The following SPAG16 variants were observed in gnomAD, a reference collection of about 807,000 sequenced individuals.
SPAG16 encodes sperm associated antigen 16, also known as sperm-associated antigen 16 protein.
In SPAG16, 86 loss-of-function variants were observed where a neutral mutation model predicts 80.4. The ratio of observed to expected loss-of-function variants is 1.07; its 90% confidence interval spans 0.90 to 1.28. The LOEUF (loss-of-function observed/expected upper bound fraction) is 1.28, where lower values mean the gene tolerates loss of function less well. Ranked by LOEUF, SPAG16 falls within the 50% of genes most tolerant of loss-of-function variation. The pLI, the probability that SPAG16 is intolerant of heterozygous loss-of-function variation, is 0.00. For synonymous variants in SPAG16, 294 were observed against 265.9 expected, an observed-to-expected ratio of 1.11 and a Z score of -1.03; for missense variants, 870 against 765.3, an observed-to-expected ratio of 1.14 and a Z score of -1.61.
chr2:214,359,934 G>C (rs1699075768), intron 15 of SPAG16, among the ~76,000 whole-genome samples: 1 of 151,884 alleles, frequency 6.6e-6, no homozygotes, highest in African/African-American at 2.4e-5. Flanking sequence ...TGAGAGAGAA[G>C]ATTTAGTCTA....
Position 213,495,592 on chromosome 2 carries a change from A to C in SPAG16, c.1070+5502A>C, listed in dbSNP as rs139527943. On this transcript the variant is annotated intron_variant, in intron 10 of 15. Coordinates refer to ENST00000331683, the MANE Select transcript of SPAG16 (RefSeq NM_024532.5). The stretch of plus-strand genomic sequence containing the variant: ...GGGAGATTACATTGATTGAAGGAAG[A>C]GGTAATAAGCCAATAGTGAACACAT... 1.4e-3 allele frequency among the ~76,000 whole-genome samples: 210 copies of C among 152,356 alleles called. 2 individuals are homozygous for C. The highest frequency in any genetic ancestry group is 4.6e-3 in the African/African-American group (190 of 41,578).
At chr2:214,226,218 A>G (rs1254475724) in intron 15 of SPAG16, among the ~76,000 whole-genome samples, 1 of 152,050 alleles carries the variant, frequency 6.6e-6, no homozygotes, top group African/African-American at 2.4e-5. Flanking sequence ...TAGCCCGTCT[A>G]GGATAGTCTT....
chr2:213,303,495 T>G (rs1377481471), intron 3 of SPAG16, among the ~76,000 whole-genome samples: 3 of 152,034 alleles, frequency 2.0e-5, no homozygotes, highest in African/African-American at 7.2e-5. Flanking sequence ...ATCTTACTCA[T>G]TCTGACTATA....
intron 10 of SPAG16, among the ~76,000 whole-genome samples, chr2:213,690,328 T>C (rs988399431): frequency 3.3e-5 from 5 of 152,198 alleles, no homozygotes; most frequent in Admixed American, 3.3e-4. Flanking sequence ...CACCAGCAGA[T>C]TTGGCTCTCC....
intron 11 of SPAG16, among the ~76,000 whole-genome samples, chr2:213,901,675 A>C (rs767767679): frequency 2.2e-4 from 34 of 152,270 alleles, no homozygotes; most frequent in Non-Finnish European, 3.5e-4. Context: ...ATTGTAGTGA[A>C]TATTAAGGAA....
At chr2:214,399,321 C>A (rs577834059) in intron 15 of SPAG16, among the ~76,000 whole-genome samples, 10 of 151,958 alleles carry the variant, frequency 6.6e-5, no homozygotes, top group Non-Finnish European at 1.5e-5. Flanking sequence ...ATTTGCATAT[C>A]TTTTTTTTAC....
intron 10 of SPAG16, among the ~76,000 whole-genome samples, chr2:213,787,101 T>C (rs2070388295): frequency 6.6e-6 from 1 of 152,064 alleles, no homozygotes; most frequent in Non-Finnish European, 1.5e-5. Flanking sequence ...TTAGGAAAAA[T>C]AGCTAATGTA....
chr2:213,946,834 T>C (rs1028334027), intron 12 of SPAG16, among the ~76,000 whole-genome samples: 1 of 152,218 alleles, frequency 6.6e-6, no homozygotes, highest in Non-Finnish European at 1.5e-5. Flanking sequence ...CTCTTTCATG[T>C]TACCCCTTAA....
intron 10 of SPAG16, among the ~76,000 whole-genome samples, chr2:213,808,453 T>C (rs751116960): frequency 9.2e-5 from 14 of 152,190 alleles, no homozygotes; most frequent in Non-Finnish European, 1.8e-4. Context: ...ACCGGGGGTA[T>C]AGGAGGATGA....
chr2:213,549,535 C>T (rs1416752314), intron 10 of SPAG16, among the ~76,000 whole-genome samples: 1 of 152,178 alleles, frequency 6.6e-6, no homozygotes, highest in Admixed American at 6.5e-5. Flanking sequence ...CTTCACTTCT[C>T]TCCAACAGCA....
intron 12 of SPAG16, among the ~76,000 whole-genome samples, chr2:213,965,213 A>G (rs1031154718): frequency 2.0e-5 from 3 of 152,078 alleles, no homozygotes; most frequent in Non-Finnish European, 4.4e-5. Context: ...CCCCCTGACA[A>G]TCTCTCCCCC....
intron 7 of SPAG16, among the ~76,000 whole-genome samples, chr2:213,358,617 A>C (rs2065803136): frequency 6.6e-6 from 1 of 152,112 alleles, no homozygotes; most frequent in Non-Finnish European, 1.5e-5. Flanking sequence ...CAGGTCATTT[A>C]AGGTCTTCTC....
chr2:213,315,982 T>G (rs1410941950), intron 4 of SPAG16, among the ~76,000 whole-genome samples: 1 of 151,968 alleles, frequency 6.6e-6, no homozygotes, highest in African/African-American at 2.4e-5. Flanking sequence ...TACTTTCATT[T>G]CCCACTGCCT....
intron 10 of SPAG16, among the ~76,000 whole-genome samples, chr2:213,764,078 C>T (rs375598583): frequency 9.9e-5 from 15 of 152,204 alleles, no homozygotes; most frequent in East Asian, 7.7e-4. Context: ...GACTATTGCT[C>T]CTAAGTGTTA....
chr2:213,834,022 C>A (rs2073946945), intron 10 of SPAG16, among the ~76,000 whole-genome samples: 1 of 152,026 alleles, frequency 6.6e-6, no homozygotes, highest in Non-Finnish European at 1.5e-5. Flanking sequence ...GGGGCTGGTC[C>A]TTCCTGTGCT....
intron 13 of SPAG16, among the ~76,000 whole-genome samples, chr2:214,101,143 ACTT>A (rs2052990002): frequency 7.3e-6 from 1 of 136,528 alleles, no homozygotes; most frequent in African/African-American, 2.8e-5. Flanking sequence ...GATGAGTATT[ACTT>A]AATTTTTTTT....
chr2:213,668,348 C>A (rs1011533710), intron 10 of SPAG16, among the ~76,000 whole-genome samples: 2 of 150,396 alleles, frequency 1.3e-5, no homozygotes, highest in African/African-American at 4.9e-5. Flanking sequence ...GACTATTGGT[C>A]TTAGACATAA....
intron 13 of SPAG16, among the ~76,000 whole-genome samples, chr2:214,088,070 G>T (rs1031560113): frequency 2.0e-5 from 3 of 151,872 alleles, no homozygotes; most frequent in Non-Finnish European, 4.4e-5. Context: ...TAAATTGAAA[G>T]GTTATTAACT....
intron 9 of SPAG16, among the ~76,000 whole-genome samples, chr2:213,447,396 C>A (rs1268791913): frequency 6.6e-6 from 1 of 152,194 alleles, no homozygotes; most frequent in Non-Finnish European, 1.5e-5. Context: ...GAAGGGGAAA[C>A]TTTTCTGTCT....
Sources: allele counts gnomAD v4.1 joint callset (sites outside exome capture counted in the v4.1 genomes callset), GRCh38; gene constraint gnomAD v4.1.1; transcripts MANE v1.5; gene names NCBI Gene and HGNC (gene_info 2026-07-23, HGNC 2026-07-21).